The following ATP8A2 variants were observed in gnomAD, a reference collection of about 807,000 sequenced individuals.
The protein encoded by ATP8A2 is phospholipid-transporting ATPase IB.
Under a neutral mutation model 165.6 loss-of-function variants are expected in ATP8A2, and 100 were observed. That is an observed-to-expected ratio of 0.60 (90% CI 0.51 to 0.71). ATP8A2 has a LOEUF of 0.71. Ranked by LOEUF, ATP8A2 falls within the 30% of genes least tolerant of loss-of-function variation. ATP8A2 has a pLI of 0.00. For synonymous variants in ATP8A2, 543 were observed against 548.8 expected, an observed-to-expected ratio of 0.99 and a Z score of 0.15; for missense variants, 1,227 against 1,479.5, an observed-to-expected ratio of 0.83 and a Z score of 2.80.
chr13:25,435,340 C>T (rs893617838), intron 1 of ATP8A2, among the ~76,000 whole-genome samples: 3 of 151,896 alleles, frequency 2.0e-5, no homozygotes, highest in Non-Finnish European at 2.9e-5. Context: ...AGGCTGGTCT[C>T]GAACTCCTAA....
chr13:25,758,984 G>A (rs1180030324), intron 25 of ATP8A2, among the ~76,000 whole-genome samples: 2 of 151,954 alleles, frequency 1.3e-5, no homozygotes, highest in South Asian at 2.1e-4. Context: ...AAGAAAGAGA[G>A]AGAAAGAGAG....
intron 1 of ATP8A2, among the ~76,000 whole-genome samples, chr13:25,437,672 C>T (rs1593307431): frequency 6.6e-6 from 1 of 152,070 alleles, no homozygotes; most frequent in African/African-American, 2.4e-5. Context: ...AACACCTTAC[C>T]ATCAAACAGA....
chr13:25,378,169 G>T (rs1384691509), intron 1 of ATP8A2, among the ~76,000 whole-genome samples: 1 of 151,994 alleles, frequency 6.6e-6, no homozygotes, highest in Non-Finnish European at 1.5e-5. Flanking sequence ...CAGCTGTGGT[G>T]GGGGAGGGTT....
intron 1 of ATP8A2, among the ~76,000 whole-genome samples, chr13:25,461,880 A>AGG (rs1419945079): frequency 2.6e-5 from 4 of 152,090 alleles, no homozygotes; most frequent in Non-Finnish European, 2.9e-5. Flanking sequence ...GAGGAGGAGG[A>AGG]AGAAGGAGAC....
At chr13:25,819,158 A>T (rs1951101195) in intron 27 of ATP8A2, among the ~76,000 whole-genome samples, 1 of 152,192 alleles carries the variant, frequency 6.6e-6, no homozygotes, top group African/African-American at 2.4e-5. Context: ...GTTTTTACAA[A>T]AAAAAAATGG....
chr13:25,645,031 A>G lies in ATP8A2; in HGVS notation c.2212-54142A>G, dbSNP rs77461505. 4.9e-3 allele frequency among the ~76,000 whole-genome samples: 748 copies of G among 151,824 alleles called. 3 individuals carry two copies. The highest frequency in any genetic ancestry group is 0.017 in the African/African-American group (712 of 41,412). On this transcript the variant is annotated intron_variant, in intron 24 of 36. Transcript: ENST00000381655. ...CTTAGTTTTGTTGATCTTTTGTACT[A>G]TTTTTCTAGTCTTTATTTTATTTAT...
chr13:25,817,565 G>A (rs1293904974), intron 27 of ATP8A2, among the ~76,000 whole-genome samples: 1 of 152,082 alleles, frequency 6.6e-6, no homozygotes, highest in African/African-American at 2.4e-5. Context: ...AAAAGAAAAT[G>A]CCAGACTAAA....
chr13:25,505,147 C>G (rs2036991204), intron 2 of ATP8A2, among the ~76,000 whole-genome samples: 1 of 130,810 alleles, frequency 7.6e-6, no homozygotes, highest in East Asian at 2.2e-4. Context: ...CTCAAGTTTG[C>G]TGATGATAAA....
At chr13:25,638,887 A>G (rs572231727) in intron 24 of ATP8A2, among the ~76,000 whole-genome samples, 21 of 152,232 alleles carry the variant, frequency 1.4e-4, no homozygotes, top group Non-Finnish European at 2.8e-4. Flanking sequence ...AGAGAAACCC[A>G]TCAGACTAAC....
At chr13:25,897,854 C>T (rs11839413) in intron 33 of ATP8A2, among the ~76,000 whole-genome samples, 21,937 of 152,208 alleles carry the variant, frequency 0.14, 1,849 homozygotes, top group Non-Finnish European at 0.2. Context: ...GCATTCATCG[C>T]GTAGTTCTTG....
At chr13:25,827,956 G>A (rs534889334) in intron 27 of ATP8A2, among the ~76,000 whole-genome samples, 162 bp from the exon 28 acceptor site, 24 of 152,258 alleles carry the variant, frequency 1.6e-4, no homozygotes, top group African/African-American at 5.3e-4. Flanking sequence ...GTGATATCGG[G>A]AATCTATGTT....
intron 28 of ATP8A2, among the ~76,000 whole-genome samples, chr13:25,836,273 G>A (rs1951603240): frequency 6.6e-6 from 1 of 152,032 alleles, no homozygotes; most frequent in Non-Finnish European, 1.5e-5. Flanking sequence ...ACTCCATTTT[G>A]GTTTGGTCAG....
intron 30 of ATP8A2, among the ~76,000 whole-genome samples, chr13:25,842,041 C>T (rs75520889): frequency 5.8e-4 from 89 of 152,276 alleles, no homozygotes; most frequent in African/African-American, 2.0e-3. Flanking sequence ...GGAGATCAAA[C>T]TTTCAACACA....
At chr13:25,728,423 G>A (rs1307418343) in intron 25 of ATP8A2, among the ~76,000 whole-genome samples, 1 of 152,170 alleles carries the variant, frequency 6.6e-6, no homozygotes, top group Non-Finnish European at 1.5e-5. Context: ...TAGAGAGTGG[G>A]GGTAACAGCA....
chr13:25,715,071 G>A (rs1243428867), intron 25 of ATP8A2, among the ~76,000 whole-genome samples: 1 of 152,188 alleles, frequency 6.6e-6, no homozygotes, highest in Non-Finnish European at 1.5e-5. Flanking sequence ...CTTATGAAGG[G>A]TGAAGTTGGC....
intron 16 of ATP8A2, among the ~76,000 whole-genome samples, chr13:25,569,454 T>C (rs1477852136): frequency 6.6e-6 from 1 of 152,198 alleles, no homozygotes; most frequent in Non-Finnish European, 1.5e-5. Context: ...CATAGCTGCT[T>C]CCTTCACATG....
At chr13:25,961,231 A>G (rs1955652058) in intron 33 of ATP8A2, among the ~76,000 whole-genome samples, 1 of 152,178 alleles carries the variant, frequency 6.6e-6, no homozygotes, top group Non-Finnish European at 1.5e-5. Flanking sequence ...GAGCCTAGTG[A>G]GGCAACGTTT....
intron 1 of ATP8A2, among the ~76,000 whole-genome samples, chr13:25,414,316 G>A (rs7336497): frequency 0.35 from 52,713 of 150,484 alleles, 9,820 homozygotes; most frequent in East Asian, 0.62. Context: ...CCAGCCTCCC[G>A]AGCAGCTGGG....
chr13:25,498,425 A>T (rs56205259), intron 2 of ATP8A2, among the ~76,000 whole-genome samples: 19,370 of 152,172 alleles, frequency 0.13, 1,429 homozygotes, highest in Non-Finnish European at 0.18. Flanking sequence ...GCTTGTTTAC[A>T]TATGCACATC....
Sources: gnomAD v4.1 joint callset for allele counts (sites outside exome capture counted in the v4.1 genomes callset) on GRCh38, gnomAD v4.1.1 for gene constraint, MANE v1.5 for transcripts, NCBI Gene and HGNC (gene_info 2026-07-23, HGNC 2026-07-21) for gene names.